Variants in CHRM2 observed in about 807,000 individuals in gnomAD.
CHRM2 encodes muscarinic acetylcholine receptor M2.
Under a neutral mutation model 25.0 loss-of-function variants are expected in CHRM2, and 8 were observed. The ratio of observed to expected loss-of-function variants is 0.32; its 90% CI spans 0.19 to 0.58. The LOEUF (loss-of-function observed/expected upper bound fraction) is 0.58. Ranked by LOEUF, CHRM2 falls within the 20% of genes least tolerant of loss-of-function variation. The pLI, the probability that CHRM2 is intolerant of heterozygous loss-of-function variation, is 0.88. For missense variants in CHRM2, 440 were observed against 567.1 expected, an observed-to-expected ratio of 0.78 and a Z score of 2.28; for synonymous variants, 202 against 205.7, an observed-to-expected ratio of 0.98 and a Z score of 0.15.
intron 2 of CHRM2, among the ~76,000 whole-genome samples, chr7:136,881,201 T>G (rs537080011): frequency 6.6e-6 from 1 of 150,744 alleles, no homozygotes; most frequent in Non-Finnish European, 1.5e-5. Flanking sequence ...CTTTACGGAC[T>G]GTCATGTAAT....
chr7:136,939,432 T>C (rs1313651172), intron 2 of CHRM2, among the ~76,000 whole-genome samples: 1 of 152,218 alleles, frequency 6.6e-6, no homozygotes, highest in Non-Finnish European at 1.5e-5. Context: ...CGTCAGTGTT[T>C]CTTTTTCTGC....
intron 2 of CHRM2, among the ~76,000 whole-genome samples, chr7:136,930,770 A>ATG (rs1799035939): frequency 1.3e-5 from 2 of 151,598 alleles, no homozygotes; most frequent in African/African-American, 2.4e-5. Context: ...GGTGGCGGGC[A>ATG]CCTGTAGTCC....
At chr7:136,938,645 C>T in intron 2 of CHRM2, 1 of 833,322 alleles carries the variant, frequency 1.2e-6, no homozygotes, top group Non-Finnish European at 2.1e-6. Flanking sequence ...CATGCGGGCA[C>T]AGGGCCCACT....
At chr7:136,943,029 C>A (rs1488150677) in intron 2 of CHRM2, among the ~76,000 whole-genome samples, 1 of 152,160 alleles carries the variant, frequency 6.6e-6, no homozygotes, top group African/African-American at 2.4e-5. Flanking sequence ...CCAGCTCACA[C>A]TGGGGCTCTG....
intron 3 of CHRM2, 71 bp from the exon 4 acceptor site, chr7:137,014,749 G>A: frequency 1.0e-6 from 1 of 957,154 alleles, no homozygotes; most frequent in Non-Finnish European, 1.6e-6. Flanking sequence ...GGTTTAAAAG[G>A]AGAAACAACA....
At chr7:137,001,552 C>T (rs1207111692) in intron 3 of CHRM2, among the ~76,000 whole-genome samples, 1 of 152,072 alleles carries the variant, frequency 6.6e-6, no homozygotes, top group Non-Finnish European at 1.5e-5. Flanking sequence ...TTCCCAACAG[C>T]CAAATATGAA....
rs549799686 is a variant in CHRM2, at chr7:136,900,904, GGTAGGGTACCAA to G, written c.-125+31488_-125+31499del. Among the ~76,000 whole-genome samples the G allele has an allele frequency of 7.2e-5, 11 of 151,882 alleles. No individual in the cohort carries two copies. The East Asian group carries it at 2.1e-3, about 30-fold the overall frequency. On this transcript the variant is annotated intron_variant, in intron 2 of 3. Coordinates refer to ENST00000680005, the MANE Select transcript of CHRM2 (RefSeq NM_001006630.2). ...AACACTGAAAGATCTGAATGATATG[GGTAGGGTACCAA>G]GAATGTGAGCTACACACCTCTATTC...
chr7:136,881,507 A>G (rs1241630753), intron 2 of CHRM2, among the ~76,000 whole-genome samples: 5 of 151,786 alleles, frequency 3.3e-5, no homozygotes, highest in Non-Finnish European at 7.4e-5. Flanking sequence ...ATTTTCTCTA[A>G]TCTTACATTT....
At chr7:136,988,367 C>A (rs1330835109) in intron 2 of CHRM2, among the ~76,000 whole-genome samples, 3 of 152,024 alleles carry the variant, frequency 2.0e-5, no homozygotes, top group African/African-American at 7.2e-5. Context: ...TGTAGAAAAT[C>A]AAATTTGAGT....
At chr7:136,879,668 T>C (rs1796185343) in intron 2 of CHRM2, among the ~76,000 whole-genome samples, 2 of 151,924 alleles carry the variant, frequency 1.3e-5, no homozygotes, top group African/African-American at 4.8e-5. Flanking sequence ...AAAGTGATAA[T>C]TACTCCTCTC....
At chr7:136,991,111 TCA>T (rs755871332) in intron 2 of CHRM2, among the ~76,000 whole-genome samples, 3 of 152,188 alleles carry the variant, frequency 2.0e-5, no homozygotes, top group Non-Finnish European at 4.4e-5. Flanking sequence ...ACATTGTCAT[TCA>T]CAGAGAAGTT....
At chr7:136,988,144 G>T (rs1488946171) in intron 2 of CHRM2, among the ~76,000 whole-genome samples, 2 of 151,490 alleles carry the variant, frequency 1.3e-5, no homozygotes, top group Non-Finnish European at 2.9e-5. Context: ...TCCAGGGAAG[G>T]TTCTTTAATA....
At chr7:136,890,703 A>G (rs1796658286) in intron 2 of CHRM2, among the ~76,000 whole-genome samples, 1 of 152,226 alleles carries the variant, frequency 6.6e-6, no homozygotes, top group African/African-American at 2.4e-5. Context: ...GGGAGGCTAT[A>G]TGATTGATGG....
chr7:136,900,662 C>T (rs2130615282), intron 2 of CHRM2, among the ~76,000 whole-genome samples: 1 of 152,144 alleles, frequency 6.6e-6, no homozygotes, highest in Non-Finnish European at 1.5e-5. Flanking sequence ...TAAGAAATGG[C>T]ACAGAATTGC....
intron 2 of CHRM2, among the ~76,000 whole-genome samples, chr7:136,876,573 A>C (rs1206557629): frequency 6.6e-6 from 1 of 152,128 alleles, no homozygotes; most frequent in African/African-American, 2.4e-5. Flanking sequence ...AACTGTAGGC[A>C]ACTTCATAGG....
At chr7:136,918,459 T>G (rs1798243135) in intron 2 of CHRM2, among the ~76,000 whole-genome samples, 1 of 152,156 alleles carries the variant, frequency 6.6e-6, no homozygotes, top group South Asian at 2.1e-4. Flanking sequence ...ATAAAGTCTT[T>G]TATAATTCAT....
chr7:136,905,891 A>G (rs1018818574), intron 2 of CHRM2, among the ~76,000 whole-genome samples: 5 of 151,494 alleles, frequency 3.3e-5, no homozygotes, highest in Non-Finnish European at 5.9e-5. Context: ...TTTACTTTGA[A>G]AAACTGTATT....
In CHRM2 at chr7:137,018,803, A is replaced by T. The variant is rs1265026936; in HGVS notation, c.*2537A>T. 1 of 151,972 alleles carries T rather than the reference A, an allele frequency of 6.6e-6. No homozygotes were observed. Among genetic ancestry groups the T allele is most frequent in the East Asian group, 1.9e-4 (1 of 5,142 alleles). The allele number at this position is 151,972 out of a possible 1,614,324, so 9.4% of individuals were successfully genotyped here. ...ACACCATGGAAACTACGTCAAACAGATAAGAAAAATGGAAGGAATACTGAA... is the reference window on the plus strand; with the variant it reads ...ACACCATGGAAACTACGTCAAACAGTTAAGAAAAATGGAAGGAATACTGAA... On this transcript the variant is annotated 3_prime_UTR_variant, in exon 4 of 4. Coordinates refer to ENST00000680005, the MANE Select transcript of CHRM2 (RefSeq NM_001006630.2).
At chr7:136,905,612 T>A (rs545171391) in intron 2 of CHRM2, among the ~76,000 whole-genome samples, 3 of 151,918 alleles carry the variant, frequency 2.0e-5, no homozygotes, top group East Asian at 3.9e-4. Context: ...GTCATCATTT[T>A]AAACTATCTG....
Sources: allele counts gnomAD v4.1 joint callset (sites outside exome capture counted in the v4.1 genomes callset), GRCh38; gene constraint gnomAD v4.1.1; transcripts MANE v1.5; gene names NCBI Gene and HGNC (gene_info 2026-07-23, HGNC 2026-07-21).